Variants in ARMH3 observed in about 807,000 individuals in gnomAD.
The protein encoded by ARMH3 is armadillo-like helical domain-containing protein 3.
ARMH3 carries 60 observed loss-of-function variants against 99.1 expected under a neutral mutation model. That is an observed-to-expected ratio of 0.61 (90% CI 0.49 to 0.75). The LOEUF (loss-of-function observed/expected upper bound fraction) is 0.75, where lower values mean the gene tolerates loss of function less well. Among genes scored for constraint, ARMH3 ranks in the 30% least tolerant of loss-of-function variants. ARMH3 has a pLI of 0.00. For missense variants in ARMH3, 679 were observed against 843.1 expected, an observed-to-expected ratio of 0.81 and a Z score of 2.41; for synonymous variants, 285 against 292.8, an observed-to-expected ratio of 0.97 and a Z score of 0.27.
intron 14 of ARMH3, 103 bp from the exon 15 acceptor site, chr10:102,002,175 G>C: frequency 6.5e-7 from 1 of 1,532,582 alleles, no homozygotes; most frequent in Non-Finnish European, 8.8e-7. Flanking sequence ...CACTAAATAA[G>C]CTTTTTCCAC....
intron 19 of ARMH3, among the ~76,000 whole-genome samples, chr10:101,979,606 T>C (rs2135945297): frequency 6.6e-6 from 1 of 152,306 alleles, no homozygotes; most frequent in Admixed American, 6.5e-5. Context: ...TCTGTGAATA[T>C]ATTTTAAAAA....
At chr10:102,009,799 T>C (rs2136104392) in intron 12 of ARMH3, among the ~76,000 whole-genome samples, 178 bp downstream of exon 12, 1 of 152,278 alleles carries the variant, frequency 6.6e-6, no homozygotes, top group Admixed American at 6.5e-5. Flanking sequence ...TCAATACATA[T>C]GAAAAGCAGA....
intron 24 of ARMH3, among the ~76,000 whole-genome samples, chr10:101,850,860 CT>C (rs2066583804): frequency 6.6e-6 from 1 of 152,202 alleles, no homozygotes; most frequent in African/African-American, 2.4e-5. Flanking sequence ...ACCAATATCC[CT>C]GACACCACAA....
intron 4 of ARMH3, 56 bp from the exon 5 acceptor site, chr10:102,029,801 C>T (rs1338140235): frequency 2.6e-6 from 4 of 1,518,664 alleles, no homozygotes; most frequent in African/African-American, 1.4e-5. Context: ...GGTCTGTAGA[C>T]CCACATTGCA....
chr10:101,869,741 G>A (rs1589937175), intron 24 of ARMH3, among the ~76,000 whole-genome samples: 1 of 152,114 alleles, frequency 6.6e-6, no homozygotes, highest in Non-Finnish European at 1.5e-5. Flanking sequence ...CAATGAAAAG[G>A]AAAAATAACA....
intron 19 of ARMH3, among the ~76,000 whole-genome samples, chr10:101,988,017 T>C (rs1403327207): frequency 6.6e-6 from 1 of 152,240 alleles, no homozygotes; most frequent in East Asian, 1.9e-4. Context: ...AAAAGCATCC[T>C]TTTGAGAGGC....
intron 20 of ARMH3, among the ~76,000 whole-genome samples, chr10:101,974,437 G>A (rs568793584): frequency 6.1e-4 from 93 of 152,248 alleles, no homozygotes; most frequent in African/African-American, 1.9e-3. Context: ...AGATTTTATT[G>A]TACCATCAGG....
intron 4 of ARMH3, among the ~76,000 whole-genome samples, chr10:102,030,865 A>G (rs1228287189): frequency 6.6e-6 from 1 of 151,948 alleles, no homozygotes; most frequent in African/African-American, 2.4e-5. Flanking sequence ...GCCTCACTGC[A>G]ACCTCCACCT....
At chr10:101,848,287 T>G (rs61874114) in intron 25 of ARMH3, among the ~76,000 whole-genome samples, 7,480 of 152,180 alleles carry the variant, frequency 0.049, 202 homozygotes, top group Middle Eastern at 0.095. Flanking sequence ...ATCCTTGCTG[T>G]GTGCCCACTG....
At chr10:101,933,390 A>G (rs1038735131) in intron 23 of ARMH3, among the ~76,000 whole-genome samples, 1 of 152,232 alleles carries the variant, frequency 6.6e-6, no homozygotes, top group Non-Finnish European at 1.5e-5. Context: ...GAATGTCTGA[A>G]TCTCCTAAAC....
At chr10:101,963,309 AT>A (rs1252793118) in intron 20 of ARMH3, among the ~76,000 whole-genome samples, 2 of 150,738 alleles carry the variant, frequency 1.3e-5, no homozygotes, top group Admixed American at 1.3e-4. Context: ...CACCTGCCTA[AT>A]TTTTTGTATT....
intron 23 of ARMH3, among the ~76,000 whole-genome samples, chr10:101,931,984 G>A (rs1843741598): frequency 6.6e-6 from 1 of 152,130 alleles, no homozygotes; most frequent in Non-Finnish European, 1.5e-5. Flanking sequence ...CATGGAATGG[G>A]AGAAAATATC....
intron 22 of ARMH3, among the ~76,000 whole-genome samples, chr10:101,943,285 G>T (rs973574657): frequency 6.6e-6 from 1 of 152,158 alleles, no homozygotes; most frequent in Non-Finnish European, 1.5e-5. Flanking sequence ...GGCCGAGGGC[G>T]AAGAACCACT....
In ARMH3 at chr10:101,965,160, A is replaced by G. The variant is rs143026314; in HGVS notation, c.1496-7428T>C. ...AACTGTATGGTTAAACATAGTTACA[A>G]TGATAAATTTTATGTTTATTTTACC... On this transcript the variant is annotated intron_variant, in intron 20 of 25. Transcript: ENST00000370033. 1.1e-4 allele frequency among the ~76,000 whole-genome samples: 17 copies of G among 152,346 alleles called. No individual in the cohort carries two copies. In the East Asian group the frequency reaches 2.9e-3, roughly 26 times the overall value.
At chr10:101,878,197 G>A (rs1327834023) in intron 24 of ARMH3, among the ~76,000 whole-genome samples, 1 of 152,198 alleles carries the variant, frequency 6.6e-6, no homozygotes, top group Non-Finnish European at 1.5e-5. Flanking sequence ...GGCAGAGGTT[G>A]CAGTGAGCAG....
chr10:101,922,512 A>G (rs1843344185), intron 23 of ARMH3, among the ~76,000 whole-genome samples: 1 of 152,206 alleles, frequency 6.6e-6, no homozygotes, highest in South Asian at 2.1e-4. Context: ...TTGGCCTCCC[A>G]AAGTGCTGGG....
At chr10:102,050,620 G>A (rs1018217235) in intron 1 of ARMH3, among the ~76,000 whole-genome samples, 7 of 152,164 alleles carry the variant, frequency 4.6e-5, no homozygotes, top group Admixed American at 6.6e-5. Flanking sequence ...CACTCTTGGA[G>A]GCCGAGGCAG....
In ARMH3 at chr10:101,975,723, G is replaced by C. The variant is rs190795481; in HGVS notation, c.1407-423C>G. On this transcript the variant is annotated intron_variant, in intron 19 of 25. Transcript: ENST00000370033. The stretch of plus-strand genomic sequence containing the variant: ...TACTAAAAATACAAAAATTAGCTGG[G>C]TGTGGTGACATGTACCTGTAGTCCC... 8.7e-4 allele frequency among the ~76,000 whole-genome samples: 133 copies of C among 152,088 alleles called. 1 individual carries two copies. The highest frequency in any genetic ancestry group is 3.2e-3 in the African/African-American group (132 of 41,498).
At position 102,028,590 on chromosome 10, in the gene ARMH3, A is replaced by G. The variant is rs374818607; in HGVS notation, c.414+1048T>C. Among the ~76,000 whole-genome samples, 6 of 152,352 alleles carry G rather than the reference A, an allele frequency of 3.9e-5. No homozygotes were observed. In the East Asian group the frequency reaches 5.8e-4, roughly 15 times the overall value. On this transcript the variant is annotated intron_variant, in intron 5 of 25. Coordinates refer to ENST00000370033, the MANE Select transcript of ARMH3 (RefSeq NM_024541.3). ...AAGGAATGAAATACTAATACATCCT[A>G]TAATATGGAGGAACCACAAAAACAT...
Sources: gnomAD v4.1 joint callset for allele counts (sites outside exome capture counted in the v4.1 genomes callset) on GRCh38, gnomAD v4.1.1 for gene constraint, MANE v1.5 for transcripts, NCBI Gene and HGNC (gene_info 2026-07-23, HGNC 2026-07-21) for gene names.